Variants in PDE4B observed in about 807,000 individuals in gnomAD.
The protein encoded by PDE4B is 3',5'-cyclic-AMP phosphodiesterase 4B.
Under a neutral mutation model 82.2 loss-of-function variants are expected in PDE4B, and 20 were observed. The ratio of observed to expected loss-of-function variants is 0.24; its 90% CI spans 0.17 to 0.35. The LOEUF is 0.35. PDE4B is among the 10% of genes least tolerant of loss of function. The pLI is 1.00. For synonymous variants in PDE4B, 320 were observed against 318.9 expected (o/e 1.00, Z -0.04); for missense variants, 655 against 907.2 (o/e 0.72, Z 3.57).
chr1:65,913,161 C>A, intron 1 of PDE4B, 84 bp from the exon 2 acceptor site: 1 of 588,712 alleles, frequency 1.7e-6, no homozygotes, highest in Non-Finnish European at 3.0e-6. Context: ...GTACATATTT[C>A]AAATGTTAAT....
chr1:65,890,453 G>T (rs2100383190), intron 1 of PDE4B, among the ~76,000 whole-genome samples: 1 of 152,154 alleles, frequency 6.6e-6, no homozygotes. Flanking sequence ...TTTCAGTTGA[G>T]CTTTGCTTAC....
intron 3 of PDE4B, among the ~76,000 whole-genome samples, chr1:66,043,617 C>T (rs955870306): frequency 1.3e-5 from 2 of 151,720 alleles, no homozygotes; most frequent in African/African-American, 4.8e-5. Flanking sequence ...TCCTAAAAAT[C>T]TGGAATTCTG....
chr1:66,028,161 T>C (rs899207061), intron 3 of PDE4B, among the ~76,000 whole-genome samples: 3 of 152,214 alleles, frequency 2.0e-5, no homozygotes, highest in African/African-American at 7.2e-5. Flanking sequence ...TCTTCTGAAA[T>C]CTAGGCGGAG....
At chr1:66,216,036 A>T (rs1650425772) in intron 3 of PDE4B, among the ~76,000 whole-genome samples, 1 of 152,128 alleles carries the variant, frequency 6.6e-6, no homozygotes, top group Non-Finnish European at 1.5e-5. Flanking sequence ...GAAATGTAAC[A>T]GCAAAGGGAA....
intron 3 of PDE4B, among the ~76,000 whole-genome samples, chr1:66,047,508 G>C (rs1027588444): frequency 2.0e-5 from 3 of 151,850 alleles, no homozygotes; most frequent in Non-Finnish European, 4.4e-5. Context: ...ACTATACCAG[G>C]TATGCTGAGC....
intron 1 of PDE4B, among the ~76,000 whole-genome samples, chr1:65,797,038 C>T (rs1255413497): frequency 6.6e-6 from 1 of 151,678 alleles, no homozygotes; most frequent in African/African-American, 2.4e-5. Flanking sequence ...CTGCAAGCTC[C>T]ACCTCCCAGG....
intron 3 of PDE4B, among the ~76,000 whole-genome samples, chr1:65,976,808 A>C (rs1255994096): frequency 2.0e-5 from 3 of 152,206 alleles, no homozygotes; most frequent in Admixed American, 6.5e-5. Context: ...AAGTTTCCTG[A>C]GGCTTCCTAG....
chr1:66,205,022 G>T (rs947500634), intron 3 of PDE4B, among the ~76,000 whole-genome samples: 13 of 152,160 alleles, frequency 8.5e-5, no homozygotes, highest in African/African-American at 2.9e-4. Flanking sequence ...TATTTTGGTA[G>T]TTCAGCCTTT....
At chr1:65,951,123 T>C (rs1648970414) in intron 3 of PDE4B, among the ~76,000 whole-genome samples, 1 of 152,070 alleles carries the variant, frequency 6.6e-6, no homozygotes, top group South Asian at 2.1e-4. Flanking sequence ...ACATCAAAAA[T>C]GTTATTCCCT....
chr1:66,174,478 C>T (rs1346710529), intron 3 of PDE4B, among the ~76,000 whole-genome samples: 1 of 152,014 alleles, frequency 6.6e-6, no homozygotes, highest in African/African-American at 2.4e-5. Context: ...ACTACCTTGG[C>T]CAGGTGTGGT....
chr1:65,808,635 C>A (rs1645783570), intron 1 of PDE4B, among the ~76,000 whole-genome samples: 1 of 152,122 alleles, frequency 6.6e-6, no homozygotes. Flanking sequence ...GGAGGGGGAT[C>A]TTTATCTTAA....
chr1:66,057,599 G>T (rs1253547192), intron 3 of PDE4B, among the ~76,000 whole-genome samples: 1 of 152,144 alleles, frequency 6.6e-6, no homozygotes, highest in African/African-American at 2.4e-5. Context: ...CACAATCACT[G>T]GGGGAAGGTG....
intron 3 of PDE4B, among the ~76,000 whole-genome samples, chr1:66,084,241 A>G (rs958671530): frequency 6.6e-6 from 1 of 152,162 alleles, no homozygotes; most frequent in African/African-American, 2.4e-5. Flanking sequence ...TGCTGGAGGT[A>G]GGTCCTGTTT....
intron 3 of PDE4B, chr1:66,048,750 C>T (rs1658712325): frequency 6.6e-6 from 1 of 151,938 alleles, no homozygotes; most frequent in African/African-American, 2.4e-5. Context: ...TGTTTTATAA[C>T]TGATAATATC....
At chr1:66,253,547 G>A (rs1213141778) in intron 4 of PDE4B, among the ~76,000 whole-genome samples, 4 of 152,220 alleles carry the variant, frequency 2.6e-5, no homozygotes, top group Non-Finnish European at 5.9e-5. Flanking sequence ...ATCTGGACTT[G>A]CTCCTGAGAG....
At chr1:66,321,572 T>C (rs1192853741) in intron 7 of PDE4B, among the ~76,000 whole-genome samples, 1 of 152,152 alleles carries the variant, frequency 6.6e-6, no homozygotes, top group African/African-American at 2.4e-5. Flanking sequence ...GCAGGTTCAG[T>C]GTCTGAGGAG....
intron 3 of PDE4B, among the ~76,000 whole-genome samples, chr1:66,211,365 T>C (rs1650035174): frequency 6.6e-6 from 1 of 152,174 alleles, no homozygotes; most frequent in African/African-American, 2.4e-5. Flanking sequence ...TCTCAAAACC[T>C]ATCCCCACTC....
intron 3 of PDE4B, among the ~76,000 whole-genome samples, chr1:66,105,189 A>C (rs1291624293): frequency 6.7e-6 from 1 of 148,456 alleles, no homozygotes; most frequent in Non-Finnish European, 1.5e-5. Flanking sequence ...CCATTTATTA[A>C]ATAGGGAATC....
chr1:66,099,283 A>G (rs1570230076), intron 3 of PDE4B, among the ~76,000 whole-genome samples: 1 of 152,066 alleles, frequency 6.6e-6, no homozygotes, highest in African/African-American at 2.4e-5. Flanking sequence ...CCATGTTCCT[A>G]CAAAGGACAT....
Sources: gnomAD v4.1 joint callset for allele counts (sites outside exome capture counted in the v4.1 genomes callset) on GRCh38, gnomAD v4.1.1 for gene constraint, MANE v1.5 for transcripts, NCBI Gene and HGNC (gene_info 2026-07-23, HGNC 2026-07-21) for gene names.